Variants in ATXN10 observed in about 807,000 individuals in gnomAD.
ATXN10 encodes ataxin 10.
Under a neutral mutation model 52.9 loss-of-function variants are expected in ATXN10, and 28 were observed. The observed-to-expected ratio is 0.53, with a 90% confidence interval of 0.39 to 0.73. The LOEUF (loss-of-function observed/expected upper bound fraction) is 0.73, where lower values mean the gene tolerates loss of function less well. Ranked by LOEUF, ATXN10 falls within the 30% of genes least tolerant of loss-of-function variation. ATXN10 has a pLI of 0.00. For missense variants in ATXN10, 565 were observed against 577.0 expected (o/e 0.98, Z 0.21); for synonymous variants, 226 against 221.5 (o/e 1.02, Z -0.18).
At chr22:45,808,398 C>A (rs1015721868) in intron 10 of ATXN10, among the ~76,000 whole-genome samples, 1 of 152,216 alleles carries the variant, frequency 6.6e-6, no homozygotes, top group Non-Finnish European at 1.5e-5. Context: ...GTGTTCATTG[C>A]GTCTTTGGCT....
Position 45,683,874 on chromosome 22 carries a change from T to C in ATXN10, c.117-5838T>C, listed in dbSNP as rs1022223865. On this transcript the variant is annotated intron_variant, in intron 1 of 11. Transcript: ENST00000252934. The surrounding 1 kb of genome is among the most constrained non-coding windows in gnomAD (Gnocchi z 4.8). ...TACCATGTATACACAGTTCTGCTCT[T>C]GGGCTGTCTTTTCCAGTGGTTGACT... 1.3e-5 allele frequency among the ~76,000 whole-genome samples: 2 copies of C among 152,244 alleles called. No individual in the cohort carries two copies. The highest frequency in any genetic ancestry group is 1.3e-4 in the Admixed American group (2 of 15,280).
intron 3 of ATXN10, among the ~76,000 whole-genome samples, chr22:45,697,483 T>G (rs1923657970): frequency 6.6e-6 from 1 of 152,040 alleles, no homozygotes; most frequent in Non-Finnish European, 1.5e-5. Flanking sequence ...GCTGCTCTCT[T>G]TCCGCCTCCC....
In ATXN10 at chr22:45,766,194, C is replaced by A. The variant is rs1384235364; in HGVS notation, c.1173+25656C>A. On this transcript the variant is annotated intron_variant, in intron 9 of 11. Coordinates refer to ENST00000252934, the MANE Select transcript of ATXN10 (RefSeq NM_013236.4). This position sits in a 1 kb window ranked among gnomAD's most constrained non-coding sequence, Gnocchi z 4.6. Reference sequence around the variant, plus strand: ...CGCTACCTTTAGATCAGGGGTTCCCCAATCCCTGGTCCGTGGACTGGTACT... The same window carrying A: ...CGCTACCTTTAGATCAGGGGTTCCCAAATCCCTGGTCCGTGGACTGGTACT... 6.6e-6 allele frequency among the ~76,000 whole-genome samples: 1 copy of A among 152,154 alleles called. No individual in the cohort carries two copies. Among genetic ancestry groups the A allele is most frequent in the Non-Finnish European group, 1.5e-5 (1 of 68,016 alleles).
Position 45,718,587 on chromosome 22 carries a change from C to G in ATXN10, c.728+94C>G. ...AAAAGCTGTGTGGTTTCTGAGTTGG[C>G]ACAGAATCTCTAAATACATGTTTCT... On this transcript the variant is annotated intron_variant, in intron 6 of 11. Transcript: ENST00000252934. The surrounding 1 kb of genome is among the most constrained non-coding windows in gnomAD (Gnocchi z 4.4). 1.8e-6 allele frequency: 2 copies of G among 1,102,196 alleles called. No homozygotes were observed. The highest frequency in any genetic ancestry group is 3.4e-5 in the Admixed American group (2 of 58,372). The allele number at this position is 1,102,196 out of a possible 1,614,324, so 68.3% of individuals were successfully genotyped here. A position where few individuals can be genotyped will look rare whatever the true frequency, so the allele number is the denominator to read the frequency against.
intron 1 of ATXN10, among the ~76,000 whole-genome samples, chr22:45,685,207 C>G (rs1268839467): frequency 6.6e-6 from 1 of 150,976 alleles, no homozygotes; most frequent in African/African-American, 2.4e-5. Flanking sequence ...AGGTAGTTTT[C>G]TTTAATTTTA....
chr22:45,813,825 A>G (rs1928368272), intron 10 of ATXN10, among the ~76,000 whole-genome samples: 1 of 152,194 alleles, frequency 6.6e-6, no homozygotes, highest in Non-Finnish European at 1.5e-5. Flanking sequence ...ATTCATTCCT[A>G]TAAGAAAGGT....
At chr22:45,672,900 C>T (rs1267859056) in intron 1 of ATXN10, 2 of 152,222 alleles carry the variant, frequency 1.3e-5, no homozygotes, top group Admixed American at 1.3e-4. Context: ...GACTATAATA[C>T]ACAGCTTAGT....
rs1372289463 is a variant in ATXN10, at chr22:45,772,621, G to A, written c.1173+32083G>A. On this transcript the variant is annotated intron_variant, in intron 9 of 11. Transcript: ENST00000252934. This position sits in a 1 kb window ranked among gnomAD's most constrained non-coding sequence, Gnocchi z 4.1. ...CTGCTGTGATTGTGATTGGAATTGCGTTAAATATACAGCTCTCTTTGGGGG... is the reference window on the plus strand; with the variant it reads ...CTGCTGTGATTGTGATTGGAATTGCATTAAATATACAGCTCTCTTTGGGGG... Among the ~76,000 whole-genome samples, 3 of 152,158 alleles carry A rather than the reference G, an allele frequency of 2.0e-5. No homozygotes were observed. The highest frequency in any genetic ancestry group is 2.9e-5 in the Non-Finnish European group (2 of 68,038).
chr22:45,714,104 G>T (rs1489347580), intron 5 of ATXN10, among the ~76,000 whole-genome samples: 1 of 152,158 alleles, frequency 6.6e-6, no homozygotes, highest in African/African-American at 2.4e-5. Flanking sequence ...CAACTCCCCT[G>T]TCCCACATCA....
At chr22:45,726,244 A>G (rs1436332497) in intron 6 of ATXN10, among the ~76,000 whole-genome samples, 4 of 152,120 alleles carry the variant, frequency 2.6e-5, no homozygotes, top group African/African-American at 4.8e-5. Context: ...ATTGGTGCCA[A>G]TTCTTTGAAT....
rs1022082094 is a variant in ATXN10 at position 45,841,727 on chromosome 22, G to A, written c.1238-1264G>A. ...GTTGAATTAGGGAGAGAAACTGTTG[G>A]ACTCATTTTCTTTCCCAAATACTAC... On this transcript the variant is annotated intron_variant, in intron 10 of 11. Coordinates refer to ENST00000252934, the MANE Select transcript of ATXN10 (RefSeq NM_013236.4). The surrounding 1 kb of genome is among the most constrained non-coding windows in gnomAD (Gnocchi z 5.1). Among the ~76,000 whole-genome samples, 17 of 152,182 alleles carry A rather than the reference G, an allele frequency of 1.1e-4. No individual in the cohort carries two copies. Among genetic ancestry groups the A allele is most frequent in the Admixed American group, 7.9e-4 (12 of 15,282 alleles).
rs184545502 is a variant in ATXN10 at position 45,728,697 on chromosome 22, G to C, written c.729-728G>C. Among the ~76,000 whole-genome samples, 13 of 152,308 alleles carry C rather than the reference G, an allele frequency of 8.5e-5. No individual in the cohort carries two copies. Among genetic ancestry groups the C allele is most frequent in the Non-Finnish European group, 2.9e-5 (2 of 68,028 alleles). On this transcript the variant is annotated intron_variant, in intron 6 of 11. Transcript: ENST00000252934. This position sits in a 1 kb window ranked among gnomAD's most constrained non-coding sequence, Gnocchi z 4.3. ...CTAATTGATTTATGCTAGACAGATT[G>C]ACCTATGTGTGATTCATTTTTCCTA... is the stretch of plus-strand genomic sequence containing the variant.
At chr22:45,730,042 T>C (rs968163408) in intron 7 of ATXN10, among the ~76,000 whole-genome samples, 5 of 152,142 alleles carry the variant, frequency 3.3e-5, no homozygotes, top group Non-Finnish European at 7.3e-5. Flanking sequence ...TAAATGTCTT[T>C]TTAAATAAAT....
intron 9 of ATXN10, among the ~76,000 whole-genome samples, chr22:45,796,025 A>G (rs1423575861): frequency 2.6e-5 from 4 of 152,260 alleles, no homozygotes; most frequent in Admixed American, 6.5e-5. Flanking sequence ...GACTGCCTGC[A>G]GGGCCGGGCA....
At position 45,819,298 on chromosome 22, in the gene ATXN10, T is replaced by C. The variant is rs982820296; in HGVS notation, c.1237+12276T>C. On this transcript the variant is annotated intron_variant, in intron 10 of 11. Coordinates refer to ENST00000252934, the MANE Select transcript of ATXN10 (RefSeq NM_013236.4). This position sits in a 1 kb window ranked among gnomAD's most constrained non-coding sequence, Gnocchi z 4.5. ...TGTATTTTAGAAATTTTGTATCTGATGTATAAGATCAGATCATAAGCCTAA... is the reference window on the plus strand; with the variant it reads ...TGTATTTTAGAAATTTTGTATCTGACGTATAAGATCAGATCATAAGCCTAA... 6.6e-6 allele frequency among the ~76,000 whole-genome samples: 1 copy of C among 152,200 alleles called. No homozygotes were observed. The highest frequency in any genetic ancestry group is 1.5e-5 in the Non-Finnish European group (1 of 68,050).
chr22:45,817,342 T>A (rs1022040735), intron 10 of ATXN10, among the ~76,000 whole-genome samples: 8 of 90,520 alleles, frequency 8.8e-5, no homozygotes, highest in Middle Eastern at 7.7e-3. Flanking sequence ...TTTTTTTTTT[T>A]AAGACAGAGT....
rs767818682 is a variant in ATXN10, at chr22:45,786,997, A to C, written c.1174-19962A>C. ...CTCATTGCATTGTTGGTGAAAATTTAGTCATGATGCAAATGTCCTGAAATG... is the reference window on the plus strand; with the variant it reads ...CTCATTGCATTGTTGGTGAAAATTTCGTCATGATGCAAATGTCCTGAAATG... On this transcript the variant is annotated intron_variant, in intron 9 of 11. Coordinates refer to ENST00000252934, the MANE Select transcript of ATXN10 (RefSeq NM_013236.4). This position sits in a 1 kb window ranked among gnomAD's most constrained non-coding sequence, Gnocchi z 4.1. Among the ~76,000 whole-genome samples the C allele has an allele frequency of 3.9e-5, 6 of 152,246 alleles. No homozygotes were observed. The highest frequency in any genetic ancestry group is 8.8e-5 in the Non-Finnish European group (6 of 68,038).
Position 45,835,699 on chromosome 22 carries a change from T to A in ATXN10, c.1238-7292T>A, listed in dbSNP as rs545503289. ...AGCCTCAGCTTTCAGTGCAGGGGTG[T>A]TGCTGAGATGGCTTTTTCCCTCCGG... On this transcript the variant is annotated intron_variant, in intron 10 of 11. Transcript: ENST00000252934. This position sits in a 1 kb window ranked among gnomAD's most constrained non-coding sequence, Gnocchi z 5.0. 6.6e-6 allele frequency among the ~76,000 whole-genome samples: 1 copy of A among 152,338 alleles called. No homozygotes were observed. The highest frequency in any genetic ancestry group is 1.5e-5 in the Non-Finnish European group (1 of 68,032).
intron 9 of ATXN10, among the ~76,000 whole-genome samples, chr22:45,765,994 C>T (rs1178904127): frequency 2.6e-5 from 4 of 152,204 alleles, no homozygotes; most frequent in South Asian, 2.1e-4. Flanking sequence ...TTCCACTGTT[C>T]AAAACAACCT....
Sources: allele counts gnomAD v4.1 joint callset (sites outside exome capture counted in the v4.1 genomes callset), GRCh38; gene constraint gnomAD v4.1.1; non-coding constraint Gnocchi (gnomAD v3.1); transcripts MANE v1.5; gene names NCBI Gene and HGNC (gene_info 2026-07-23, HGNC 2026-07-21).